The following DLG2 variants were observed in gnomAD, a reference collection of about 807,000 sequenced individuals.
DLG2 encodes the protein disks large homolog 2.
Under a neutral mutation model 132.5 loss-of-function variants are expected in DLG2, and 45 were observed. The observed-to-expected ratio is 0.34, with a 90% CI of 0.27 to 0.44. The LOEUF (loss-of-function observed/expected upper bound fraction) is 0.44. Among genes scored for constraint, DLG2 ranks in the 20% least tolerant of loss-of-function variants. The pLI, the probability that DLG2 is intolerant of heterozygous loss-of-function variation, is 1.00. For missense variants in DLG2, 1,045 were observed against 1,196.9 expected, an observed-to-expected ratio of 0.87 and a Z score of 1.87; for synonymous variants, 424 against 419.6, an observed-to-expected ratio of 1.01 and a Z score of -0.13.
At chr11:84,604,776 C>T (rs771770402) in intron 6 of DLG2, among the ~76,000 whole-genome samples, 1 of 151,926 alleles carries the variant, frequency 6.6e-6, no homozygotes, top group Non-Finnish European at 1.5e-5. Flanking sequence ...TGATGGTTTA[C>T]ACTCAAAGCT....
At chr11:85,583,274 T>C (rs1413747730) in intron 3 of DLG2, among the ~76,000 whole-genome samples, 1 of 149,454 alleles carries the variant, frequency 6.7e-6, no homozygotes, top group Non-Finnish European at 1.5e-5. Context: ...CAAGGAATCC[T>C]CCCACCTCAG....
intron 6 of DLG2, among the ~76,000 whole-genome samples, chr11:84,797,720 C>T (rs1163921799): frequency 6.6e-6 from 1 of 152,136 alleles, no homozygotes; most frequent in Non-Finnish European, 1.5e-5. Flanking sequence ...GGTTTAGTCA[C>T]TGGTGTTTTG....
chr11:85,504,163 G>T (rs959979804), intron 3 of DLG2, among the ~76,000 whole-genome samples: 4 of 152,102 alleles, frequency 2.6e-5, no homozygotes, highest in Non-Finnish European at 5.9e-5. Flanking sequence ...TCTGTAGGTT[G>T]CCTGTTCACT....
chr11:83,491,998 G>A (rs970297947), intron 21 of DLG2, among the ~76,000 whole-genome samples: 1 of 152,008 alleles, frequency 6.6e-6, no homozygotes, highest in Non-Finnish European at 1.5e-5. Context: ...TTTTATTCAA[G>A]GATAACCATG....
chr11:85,028,046 C>T (rs56256947), intron 6 of DLG2, among the ~76,000 whole-genome samples: 2 of 152,202 alleles, frequency 1.3e-5, no homozygotes, highest in Non-Finnish European at 2.9e-5. Context: ...ACAGCTTCAT[C>T]AAGAGGCAGA....
intron 3 of DLG2, among the ~76,000 whole-genome samples, chr11:85,585,719 T>TG (rs1186233254): frequency 2.0e-5 from 3 of 152,040 alleles, no homozygotes; most frequent in African/African-American, 7.2e-5. Context: ...ATCACAGTTT[T>TG]TTTTTTTTTT....
chr11:85,259,134 G>T (rs1481564502), intron 4 of DLG2, among the ~76,000 whole-genome samples: 1 of 151,942 alleles, frequency 6.6e-6, no homozygotes, highest in Non-Finnish European at 1.5e-5. Context: ...TTGGAGGTGG[G>T]GCCTAGTGAG....
intron 9 of DLG2, among the ~76,000 whole-genome samples, chr11:84,102,300 T>A (rs1196100158): frequency 6.6e-6 from 1 of 152,174 alleles, no homozygotes; most frequent in Non-Finnish European, 1.5e-5. Context: ...GTAGTATTCA[T>A]CTTTGTTTTT....
At chr11:85,233,224 G>A (rs564668375) in intron 4 of DLG2, among the ~76,000 whole-genome samples, 4 of 151,750 alleles carry the variant, frequency 2.6e-5, no homozygotes, top group East Asian at 1.9e-4. Context: ...TGAGGTCTGC[G>A]TATTGTTTTT....
intron 7 of DLG2, among the ~76,000 whole-genome samples, chr11:84,377,706 G>A (rs536092008): frequency 1.3e-5 from 2 of 152,128 alleles, no homozygotes; most frequent in Admixed American, 6.5e-5. Flanking sequence ...TATCACAAAA[G>A]TCTGAGAATG....
At chr11:84,816,316 C>T (rs2077081112) in intron 6 of DLG2, among the ~76,000 whole-genome samples, 2 of 152,118 alleles carry the variant, frequency 1.3e-5, no homozygotes, top group South Asian at 4.1e-4. Flanking sequence ...CATCTGAAAA[C>T]TAAACTGGCC....
intron 19 of DLG2, among the ~76,000 whole-genome samples, chr11:83,566,202 G>A (rs1057167522): frequency 6.6e-6 from 1 of 152,134 alleles, no homozygotes; most frequent in African/African-American, 2.4e-5. Flanking sequence ...TTACACGGGA[G>A]CAGCTGGTGG....
At chr11:85,609,152 G>A (rs2080808207) in intron 2 of DLG2, among the ~76,000 whole-genome samples, 1 of 152,142 alleles carries the variant, frequency 6.6e-6, no homozygotes, top group Non-Finnish European at 1.5e-5. Flanking sequence ...ATAACTCAGG[G>A]AAAGGAAGAA....
At chr11:84,867,152 C>G (rs1000976876) in intron 6 of DLG2, among the ~76,000 whole-genome samples, 1 of 152,152 alleles carries the variant, frequency 6.6e-6, no homozygotes, top group South Asian at 2.1e-4. Context: ...CAGTCATTTC[C>G]GGCCCTCAAG....
At chr11:84,496,971 G>C (rs1194823129) in intron 7 of DLG2, among the ~76,000 whole-genome samples, 3 of 152,096 alleles carry the variant, frequency 2.0e-5, no homozygotes, top group Admixed American at 6.6e-5. Flanking sequence ...GAGAATAATA[G>C]GTTAAGAGGT....
chr11:83,800,021 A>G (rs912549021), intron 17 of DLG2, among the ~76,000 whole-genome samples: 1 of 152,196 alleles, frequency 6.6e-6, no homozygotes, highest in Non-Finnish European at 1.5e-5. Flanking sequence ...AGTGCCTGGC[A>G]TCTAGTAAGG....
intron 9 of DLG2, among the ~76,000 whole-genome samples, chr11:84,134,894 C>A (rs767252184): frequency 6.6e-6 from 1 of 151,870 alleles, no homozygotes; most frequent in Non-Finnish European, 1.5e-5. Context: ...CATTACAGCA[C>A]CCACCCAGAC....
intron 6 of DLG2, among the ~76,000 whole-genome samples, chr11:84,617,648 T>C (rs746762755): frequency 2.6e-5 from 4 of 152,164 alleles, no homozygotes; most frequent in Non-Finnish European, 4.4e-5. Context: ...CAGCATCTGT[T>C]GCTTCCCTTT....
intron 18 of DLG2, among the ~76,000 whole-genome samples, chr11:83,653,195 A>C (rs113144120): frequency 0.011 from 1,666 of 152,346 alleles, 37 homozygotes; most frequent in African/African-American, 0.038. Flanking sequence ...TAATGATTTA[A>C]TATCCATGGG....
Sources: gnomAD v4.1 joint callset for allele counts (sites outside exome capture counted in the v4.1 genomes callset) on GRCh38, gnomAD v4.1.1 for gene constraint, MANE v1.5 for transcripts, NCBI Gene and HGNC (gene_info 2026-07-23, HGNC 2026-07-21) for gene names.